The following PKP4 variants were observed in gnomAD, a reference collection of about 807,000 sequenced individuals.
PKP4 encodes the protein plakophilin-4.
Under a neutral mutation model 145.1 loss-of-function variants are expected in PKP4, and 90 were observed. The ratio of observed to expected loss-of-function variants is 0.62; its 90% CI spans 0.52 to 0.74. The LOEUF is 0.74. PKP4 is among the 30% of genes least tolerant of loss of function. The pLI is 0.00. For synonymous variants in PKP4, 563 were observed against 577.2 expected (o/e 0.98, Z 0.35); for missense variants, 1,340 against 1,482.7 (o/e 0.90, Z 1.58).
At chr2:158,464,074 T>C (rs116463065) in intron 1 of PKP4, among the ~76,000 whole-genome samples, 3 of 152,276 alleles carry the variant, frequency 2.0e-5, no homozygotes, top group African/African-American at 7.2e-5. Context: ...TGAGACTACA[T>C]TTTTCAGAAG....
chr2:158,500,978 A>G (rs1239306281), intron 1 of PKP4, among the ~76,000 whole-genome samples: 1 of 152,096 alleles, frequency 6.6e-6, no homozygotes, highest in Non-Finnish European at 1.5e-5. Flanking sequence ...CTTATAGAGC[A>G]GTTACTTTGA....
chr2:158,529,361 T>C (rs1226378245), intron 1 of PKP4, among the ~76,000 whole-genome samples: 1 of 152,220 alleles, frequency 6.6e-6, no homozygotes, highest in Non-Finnish European at 1.5e-5. Context: ...GGTCAAACTT[T>C]CTTTTCTTGT....
chr2:158,553,712 T>C (rs993007035), intron 2 of PKP4, among the ~76,000 whole-genome samples: 1 of 152,196 alleles, frequency 6.6e-6, no homozygotes, highest in Non-Finnish European at 1.5e-5. Flanking sequence ...CATTTTTTTT[T>C]CCTTTTGGAA....
chr2:158,642,014 T>C (rs2054327888), intron 10 of PKP4, among the ~76,000 whole-genome samples: 3 of 151,888 alleles, frequency 2.0e-5, no homozygotes, highest in Non-Finnish European at 4.4e-5. Flanking sequence ...GTCCTTAGAA[T>C]TCTGTTTTTT....
intron 3 of PKP4, among the ~76,000 whole-genome samples, chr2:158,580,985 C>T (rs1170146069): frequency 6.6e-6 from 1 of 152,210 alleles, no homozygotes; most frequent in Non-Finnish European, 1.5e-5. Context: ...AGCAAGTGGG[C>T]ACCCAGCCAA....
chr2:158,507,427 A>G (rs1390271437), intron 1 of PKP4, among the ~76,000 whole-genome samples: 1 of 152,226 alleles, frequency 6.6e-6, no homozygotes, highest in African/African-American at 2.4e-5. Context: ...GGTGAAGATC[A>G]ACAGAGTACC....
intron 3 of PKP4, among the ~76,000 whole-genome samples, chr2:158,587,888 A>G (rs2105810207): frequency 6.6e-6 from 1 of 151,524 alleles, no homozygotes; most frequent in Admixed American, 6.6e-5. Context: ...TTATATACAT[A>G]TATATTAACA....
intron 1 of PKP4, among the ~76,000 whole-genome samples, chr2:158,525,548 A>G (rs1289606658): frequency 2.0e-5 from 1 of 48,800 alleles, no homozygotes; most frequent in African/African-American, 9.6e-5. Context: ...TCCAAAATTG[A>G]CACCCTAACA....
At chr2:158,559,058 G>A (rs965158107) in intron 2 of PKP4, among the ~76,000 whole-genome samples, 2 of 152,172 alleles carry the variant, frequency 1.3e-5, no homozygotes, top group African/African-American at 2.4e-5. Context: ...GTGGGAAACC[G>A]CAGACTCTCA....
intron 8 of PKP4, among the ~76,000 whole-genome samples, chr2:158,633,543 T>G (rs1158093405): frequency 6.6e-6 from 1 of 152,222 alleles, no homozygotes; most frequent in Non-Finnish European, 1.5e-5. Context: ...TATGAATTAC[T>G]TGTTTCTGGA....
intron 2 of PKP4, chr2:158,548,294 G>A (rs1245245352): frequency 6.6e-6 from 1 of 152,158 alleles, no homozygotes; most frequent in Non-Finnish European, 1.5e-5. Context: ...CAAAATTTGT[G>A]CATAAGTAAA....
chr2:158,604,427 A>G (rs1445446744), intron 4 of PKP4, among the ~76,000 whole-genome samples: 5 of 152,182 alleles, frequency 3.3e-5, no homozygotes, highest in Admixed American at 3.3e-4. Context: ...GCAAAATGTC[A>G]TATTATTTAA....
At chr2:158,459,960 G>C (rs1362679177) in intron 1 of PKP4, among the ~76,000 whole-genome samples, 1 of 152,122 alleles carries the variant, frequency 6.6e-6, no homozygotes. Context: ...GAAAATAACC[G>C]AAATTGTATT....
chr2:158,563,634 T>G (rs1170392070), intron 2 of PKP4, among the ~76,000 whole-genome samples: 1 of 152,170 alleles, frequency 6.6e-6, no homozygotes, highest in Non-Finnish European at 1.5e-5. Flanking sequence ...TTTGATTGGT[T>G]GGTTTTGTGT....
chr2:158,585,994 A>G (rs979538838), intron 3 of PKP4, among the ~76,000 whole-genome samples: 5 of 151,660 alleles, frequency 3.3e-5, no homozygotes, highest in African/African-American at 1.2e-4. Flanking sequence ...GCCTATTCTC[A>G]ACATTTCTAA....
intron 1 of PKP4, among the ~76,000 whole-genome samples, chr2:158,484,074 G>A (rs998761657): frequency 1.1e-4 from 14 of 131,370 alleles, no homozygotes; most frequent in African/African-American, 2.6e-4. Flanking sequence ...TCGCTCTGTC[G>A]CCCAGGCCGG....
At chr2:158,669,958 G>A (rs1170247776) in intron 17 of PKP4, 43 bp downstream of exon 17, 2 of 1,496,238 alleles carry the variant, frequency 1.3e-6, no homozygotes, top group Non-Finnish European at 1.8e-6. Flanking sequence ...TCTTATTCCT[G>A]AGATTGTCCT....
chr2:158,663,261 T>C lies in PKP4; in HGVS notation c.2404-11T>C. ...TCTGCCTCCATTTAACGTGTGCTGTTTGTCTTTCAGTGGGATGGAGTTGGT... is the reference window on the plus strand; with the variant it reads ...TCTGCCTCCATTTAACGTGTGCTGTCTGTCTTTCAGTGGGATGGAGTTGGT... On this transcript the variant is annotated splice_polypyrimidine_tract_variant and intron_variant, in intron 14 of 21. Coordinates refer to ENST00000389759, the MANE Select transcript of PKP4 (RefSeq NM_003628.6). The C allele has an allele frequency of 6.2e-7, 1 of 1,610,354 alleles. No individual in the cohort carries two copies. The highest frequency in any genetic ancestry group is 1.1e-5 in the South Asian group (1 of 90,414).
At chr2:158,585,906 A>C (rs1574631765) in intron 3 of PKP4, among the ~76,000 whole-genome samples, 2 of 148,656 alleles carry the variant, frequency 1.3e-5, no homozygotes, top group African/African-American at 2.5e-5. Context: ...AAAAAAAAAA[A>C]CCCTCTAGCC....
Sources: allele counts gnomAD v4.1 joint callset (sites outside exome capture counted in the v4.1 genomes callset), GRCh38; gene constraint gnomAD v4.1.1; transcripts MANE v1.5; gene names NCBI Gene and HGNC (gene_info 2026-07-23, HGNC 2026-07-21).